Variants in MYPN observed in about 807,000 individuals in gnomAD.
MYPN encodes the protein sarcomeric protein myopalladin, 145 kDa (MYOP).
In MYPN, 63 loss-of-function variants were observed where a neutral mutation model predicts 129.4. The observed-to-expected ratio is 0.49, with a 90% CI of 0.40 to 0.60. MYPN has a LOEUF of 0.60. Among genes scored for constraint, MYPN ranks in the 20% least tolerant of loss-of-function variants. The probability of loss-of-function intolerance (pLI) is 0.00; values close to 1 mark genes in which losing one functional copy is unlikely to be tolerated. For synonymous variants in MYPN, 629 were observed against 600.9 expected (o/e 1.05, Z -0.68); for missense variants, 1,596 against 1,635.4 (o/e 0.98, Z 0.42).
chr10:68,166,272 G>T (rs1328932789), intron 9 of MYPN, 22 bp from the exon 10 acceptor site: 4 of 1,613,870 alleles, frequency 2.5e-6, no homozygotes, highest in Admixed American at 1.7e-5. Context: ...TGACAGCTCA[G>T]GTCCTGTGAT....
chr10:68,205,178 A>T (rs2043793371), intron 18 of MYPN, among the ~76,000 whole-genome samples: 1 of 152,186 alleles, frequency 6.6e-6, no homozygotes, highest in Non-Finnish European at 1.5e-5. Context: ...CTAACCTCAC[A>T]TATGCTGGTG....
intron 6 of MYPN, among the ~76,000 whole-genome samples, chr10:68,155,426 C>T (rs1179785730): frequency 1.3e-5 from 2 of 152,174 alleles, no homozygotes; most frequent in Non-Finnish European, 2.9e-5. Flanking sequence ...TAGATTTGCA[C>T]TTTGAATACT....
Position 68,159,877 on chromosome 10 carries a change from C to A in MYPN, c.1459+1250C>A, listed in dbSNP as rs151217886. ...TGATTGATAAAAATTTTACAAGTTA[C>A]CATGTACAACATGATGTTTTGAAAT... On this transcript the variant is annotated intron_variant, in intron 7 of 19. Coordinates refer to ENST00000358913, the MANE Select transcript of MYPN (RefSeq NM_032578.4). Among the ~76,000 whole-genome samples the A allele has an allele frequency of 9.8e-3, 1,495 of 151,988 alleles. 15 individuals carry two copies. Among genetic ancestry groups the A allele is most frequent in the Non-Finnish European group, 0.015 (1,020 of 67,966 alleles).
At chr10:68,179,063 C>G (rs541261590) in intron 12 of MYPN, among the ~76,000 whole-genome samples, 1 of 152,054 alleles carries the variant, frequency 6.6e-6, no homozygotes, top group East Asian at 1.9e-4. Flanking sequence ...TAAGTACCTC[C>G]TAATTTTTGT....
At chr10:68,170,282 C>T (rs965961720) in intron 10 of MYPN, among the ~76,000 whole-genome samples, 3 of 152,148 alleles carry the variant, frequency 2.0e-5, no homozygotes, top group African/African-American at 4.8e-5. Flanking sequence ...TAATATAAGA[C>T]GTCTTTCTAC....
At chr10:68,112,951 G>GTTTTTGA (rs1273165420) in intron 1 of MYPN, among the ~76,000 whole-genome samples, 1 of 152,160 alleles carries the variant, frequency 6.6e-6, no homozygotes, top group African/African-American at 2.4e-5. Context: ...CTGGGATTTG[G>GTTTTTGA]TTTTTGACCC....
upstream of MYPN, chr10:68,109,300 C>T (rs1227857914): frequency 1.1e-5 from 3 of 275,420 alleles, no homozygotes; most frequent in Middle Eastern, 1.3e-3. Context: ...TCATTCCAAA[C>T]GTCAATCAAT....
intron 2 of MYPN, among the ~76,000 whole-genome samples, chr10:68,125,206 C>T (rs946327342): frequency 7.9e-5 from 12 of 152,186 alleles, no homozygotes; most frequent in Non-Finnish European, 1.8e-4. Context: ...ACCATTTAAT[C>T]AGCCAACTAA....
intron 8 of MYPN, among the ~76,000 whole-genome samples, chr10:68,164,081 A>T (rs1410759213): frequency 6.6e-6 from 1 of 152,174 alleles, no homozygotes; most frequent in African/African-American, 2.4e-5. Context: ...GAGGATGAAG[A>T]GTTACTGAGT....
chr10:68,200,095 A>G (rs1048503144), intron 17 of MYPN, among the ~76,000 whole-genome samples: 3 of 152,210 alleles, frequency 2.0e-5, no homozygotes, highest in South Asian at 4.1e-4. Flanking sequence ...AAGTGTTTCC[A>G]TAGCACTCAG....
intron 10 of MYPN, among the ~76,000 whole-genome samples, chr10:68,171,571 GATA>G (rs1489197645): frequency 3.9e-5 from 6 of 152,300 alleles, no homozygotes; most frequent in Non-Finnish European, 5.9e-5. Context: ...CATTTGAAAA[GATA>G]ATAATAACTC....
chr10:68,144,968 G>A (rs1402154417), intron 3 of MYPN, among the ~76,000 whole-genome samples: 1 of 151,858 alleles, frequency 6.6e-6, no homozygotes, highest in African/African-American at 2.4e-5. Flanking sequence ...CAACTTCTTA[G>A]GGCCTATTTC....
upstream of MYPN, among the ~76,000 whole-genome samples, chr10:68,107,341 C>CTTTTTTTTTTT (rs1217100514): frequency 1.8e-5 from 2 of 113,452 alleles, no homozygotes; most frequent in Non-Finnish European, 3.5e-5. Flanking sequence ...CTTCTCTTTT[C>CTTTTTTTTTTT]TTTTTTTTTT....
chr10:68,090,366 C>T (rs1311905502), intron 1 of MYPN, among the ~76,000 whole-genome samples: 3 of 151,988 alleles, frequency 2.0e-5, no homozygotes, highest in Non-Finnish European at 4.4e-5. Context: ...GGTTTCACCA[C>T]GTTGGTCAGG....
chr10:68,150,126 A>G lies in MYPN; in HGVS notation c.1317+15A>G. On this transcript the variant is annotated intron_variant, in intron 6 of 19. Transcript: ENST00000358913. ...TGTTTACAAAGGTAATAAAAATATT[A>G]CTTCTTTCTGTCATGGCTTTAAAGA... 6.2e-7 allele frequency: 1 copy of G among 1,600,252 alleles called. No individual in the cohort carries two copies. The highest frequency in any genetic ancestry group is 8.6e-7 in the Non-Finnish European group (1 of 1,167,486).
chr10:68,102,188 G>A (rs1190545514), upstream of MYPN, among the ~76,000 whole-genome samples: 1 of 145,952 alleles, frequency 6.9e-6, no homozygotes, highest in African/African-American at 2.6e-5. Flanking sequence ...GAGTGCAGTG[G>A]CACAATCAAA....
At chr10:68,125,640 G>A (rs957717706) in intron 2 of MYPN, among the ~76,000 whole-genome samples, 1 of 152,180 alleles carries the variant, frequency 6.6e-6, no homozygotes, top group East Asian at 1.9e-4. Flanking sequence ...AATTTTTATA[G>A]TACAAACTTT....
chr10:68,095,224 T>C (rs2041950880), intron 1 of MYPN, among the ~76,000 whole-genome samples: 1 of 151,276 alleles, frequency 6.6e-6, no homozygotes, highest in Non-Finnish European at 1.5e-5. Context: ...GAGTCACATA[T>C]CTGTGGTCCC....
intron 6 of MYPN, chr10:68,158,079 G>A (rs1026347451): frequency 5.4e-6 from 1 of 183,982 alleles, no homozygotes; most frequent in Admixed American, 5.5e-5. Flanking sequence ...CCTACTTTTA[G>A]GATGTGAGGG....
Sources: gnomAD v4.1 joint callset for allele counts (sites outside exome capture counted in the v4.1 genomes callset) on GRCh38, gnomAD v4.1.1 for gene constraint, MANE v1.5 for transcripts, NCBI Gene and HGNC (gene_info 2026-07-23, HGNC 2026-07-21) for gene names.